Variants in CALD1 observed in about 807,000 individuals in gnomAD.
CALD1 encodes the protein caldesmon.
A neutral mutation model predicts 99.9 loss-of-function variants in CALD1; 33 were observed. The ratio of observed to expected loss-of-function variants is 0.33; its 90% CI spans 0.25 to 0.44. The LOEUF (loss-of-function observed/expected upper bound fraction) is 0.44, where lower values mean the gene tolerates loss of function less well. Among genes scored for constraint, CALD1 ranks in the 20% least tolerant of loss-of-function variants. The probability of loss-of-function intolerance (pLI) is 1.00; values close to 1 mark genes in which losing one functional copy is unlikely to be tolerated. For synonymous variants in CALD1, 310 were observed against 325.0 expected (o/e 0.95, Z 0.50); for missense variants, 861 against 962.1 (o/e 0.89, Z 1.39).
intron 7 of CALD1, among the ~76,000 whole-genome samples, 162 bp from the exon 8 acceptor site, chr7:134,947,346 C>CT (rs1392723504): frequency 1.3e-5 from 2 of 152,124 alleles, no homozygotes; most frequent in Admixed American, 6.5e-5. Context: ...CTCCTGGACT[C>CT]TGTGATTCCG....
At chr7:134,888,626 C>G (rs150997271) in intron 3 of CALD1, among the ~76,000 whole-genome samples, 9 of 152,176 alleles carry the variant, frequency 5.9e-5, no homozygotes, top group African/African-American at 2.2e-4. Context: ...CTTTCATTGG[C>G]CTTTGTGTTC....
chr7:134,804,340 A>G (rs1209656384), intron 1 of CALD1, among the ~76,000 whole-genome samples: 1 of 152,222 alleles, frequency 6.6e-6, no homozygotes, highest in Non-Finnish European at 1.5e-5. Context: ...TCTATCATTA[A>G]TGCCTGCCCC....
chr7:134,896,520 C>G (rs1802585129), intron 3 of CALD1, among the ~76,000 whole-genome samples: 1 of 151,642 alleles, frequency 6.6e-6, no homozygotes, highest in South Asian at 2.1e-4. Flanking sequence ...GATATTGCAG[C>G]ACTGCACGAG....
the CALD1 span, among the ~76,000 whole-genome samples, chr7:134,718,443 G>C: frequency 6.6e-6 from 1 of 152,048 alleles, no homozygotes; most frequent in Non-Finnish European, 1.5e-5. Flanking sequence ...AGCCGAGGCA[G>C]GTTGACTTCT....
intron 4 of CALD1, among the ~76,000 whole-genome samples, chr7:134,931,368 C>T (rs1805509267): frequency 6.6e-6 from 1 of 152,066 alleles, no homozygotes; most frequent in Non-Finnish European, 1.5e-5. Context: ...CCAAATGGCC[C>T]CTCTATAGAC....
At chr7:134,840,064 GT>G (rs1799592256) in intron 1 of CALD1, among the ~76,000 whole-genome samples, 1 of 152,020 alleles carries the variant, frequency 6.6e-6, no homozygotes, top group Admixed American at 6.6e-5. Flanking sequence ...ATGGTTTTTA[GT>G]TTTAATGCAA....
rs771709552 is a variant in CALD1 at position 134,947,801 on chromosome 7, G to T, written c.1794+32G>T. 24 of 1,594,958 alleles carry T rather than the reference G, an allele frequency of 1.5e-5. No individual in the cohort carries two copies. The Admixed American group carries it at 2.0e-4, about 13-fold the overall frequency. On this transcript the variant is annotated intron_variant, in intron 8 of 14. Transcript: ENST00000361675. ...CGGGCGCTAGCCCACTGAGAACGTT[G>T]CCCGGGAAAATTCCCTAGTGCCGTG...
intron 8 of CALD1, 33 bp downstream of exon 8, chr7:134,947,802 C>A (rs1231060019): frequency 1.9e-6 from 3 of 1,594,304 alleles, no homozygotes; most frequent in Non-Finnish European, 2.6e-6. Context: ...GAGAACGTTG[C>A]CCGGGAAAAT....
intron 3 of CALD1, among the ~76,000 whole-genome samples, chr7:134,898,537 C>T (rs551248831): frequency 6.6e-6 from 1 of 152,018 alleles, no homozygotes; most frequent in South Asian, 2.1e-4. Flanking sequence ...TTATCCTGGT[C>T]CCTCTTCCCT....
At chr7:134,892,439 G>A (rs912186366) in intron 3 of CALD1, among the ~76,000 whole-genome samples, 3 of 152,188 alleles carry the variant, frequency 2.0e-5, no homozygotes, top group Non-Finnish European at 4.4e-5. Flanking sequence ...AAAAGGTACC[G>A]CACAAGAATT....
intron 6 of CALD1, among the ~76,000 whole-genome samples, chr7:134,939,029 C>T (rs1806220126): frequency 6.6e-6 from 1 of 152,158 alleles, no homozygotes; most frequent in African/African-American, 2.4e-5. Context: ...CATGGTTATC[C>T]CTAAAATGGG....
At chr7:134,857,791 A>G (rs1170248989) in intron 2 of CALD1, among the ~76,000 whole-genome samples, 1 of 152,116 alleles carries the variant, frequency 6.6e-6, no homozygotes, top group East Asian at 1.9e-4. Context: ...AATACAGTAA[A>G]CACACTTGAT....
upstream of CALD1, among the ~76,000 whole-genome samples, chr7:134,740,598 G>A (rs1172575788): frequency 6.6e-6 from 1 of 152,154 alleles, no homozygotes; most frequent in Admixed American, 6.5e-5. Flanking sequence ...CGTGAGAAGC[G>A]TTAGGCTCTG....
chr7:134,832,786 G>A (rs1460562438), intron 1 of CALD1, among the ~76,000 whole-genome samples: 1 of 151,986 alleles, frequency 6.6e-6, no homozygotes, highest in Non-Finnish European at 1.5e-5. Flanking sequence ...CCTTTTTTTG[G>A]TTTCTTCCTT....
intron 1 of CALD1, chr7:134,821,964 A>C (rs1438559898): frequency 6.6e-6 from 1 of 152,090 alleles, no homozygotes; most frequent in Non-Finnish European, 1.5e-5. Context: ...TCTATCTATG[A>C]TTTCCTTTTT....
chr7:134,970,084 A>G lies in CALD1; in HGVS notation c.*1739A>G, dbSNP rs935829361. ...AAGAGCAATTGAATCTTCTAGCTTT[A>G]GCAAACCTAAGCCAAAGGAAGGAAA... On this transcript the variant is annotated 3_prime_UTR_variant, in exon 15 of 15. Coordinates refer to ENST00000361675, the MANE Select transcript of CALD1 (RefSeq NM_033138.4). 6.6e-6 allele frequency: 1 copy of G among 152,272 alleles called. No homozygotes were observed. Among genetic ancestry groups the G allele is most frequent in the Non-Finnish European group, 1.5e-5 (1 of 68,044 alleles). 9.4% of individuals were successfully genotyped at this position (152,272 alleles called of 1,614,324 possible).
At chr7:134,799,746 G>A (rs917002631) in intron 1 of CALD1, among the ~76,000 whole-genome samples, 10 of 152,238 alleles carry the variant, frequency 6.6e-5, no homozygotes, top group South Asian at 2.1e-4. Context: ...AAAATGTACC[G>A]TTTGACATTC....
At chr7:134,796,065 A>G (rs1453038920) in intron 1 of CALD1, among the ~76,000 whole-genome samples, 1 of 152,086 alleles carries the variant, frequency 6.6e-6, no homozygotes, top group African/African-American at 2.4e-5. Flanking sequence ...TTTCCATGGG[A>G]GTAGTTTCTA....
At chr7:134,726,736 A>G in the CALD1 span, among the ~76,000 whole-genome samples, 1 of 152,166 alleles carries the variant, frequency 6.6e-6, no homozygotes, top group African/African-American at 2.4e-5. Flanking sequence ...CAGAAAAAGC[A>G]TTTAATAAAA....
Sources: allele counts gnomAD v4.1 joint callset (sites outside exome capture counted in the v4.1 genomes callset), GRCh38; gene constraint gnomAD v4.1.1; transcripts MANE v1.5; gene names NCBI Gene and HGNC (gene_info 2026-07-23, HGNC 2026-07-21).